YWHAE: variants seen among roughly 807,000 people sequenced by gnomAD.
YWHAE encodes the protein tyrosine 3-monooxygenase/tryptophan 5-monooxygenase activation protein epsilon.
A neutral mutation model predicts 30.1 loss-of-function variants in YWHAE; 4 were observed. The observed-to-expected ratio is 0.13, with a 90% CI of 0.07 to 0.30. The LOEUF is 0.30. Ranked by LOEUF, YWHAE falls within the 10% of genes least tolerant of loss-of-function variation. The pLI, the probability that YWHAE is intolerant of heterozygous loss-of-function variation, is 1.00. For synonymous variants in YWHAE, 118 were observed against 111.8 expected (o/e 1.06, Z -0.35); for missense variants, 121 against 315.9 (o/e 0.38, Z 4.68).
chr17:1,356,198 ACACACACACACACACAC>A (rs1233353548), intron 4 of YWHAE, among the ~76,000 whole-genome samples: 31 of 145,472 alleles, frequency 2.1e-4, no homozygotes, highest in African/African-American at 7.2e-4. Flanking sequence ...ACACACACAC[ACACACACACACACACAC>A]AAAATTAGCC....
chr17:1,386,184 C>A (rs2073297881), intron 1 of YWHAE, among the ~76,000 whole-genome samples: 1 of 152,172 alleles, frequency 6.6e-6, no homozygotes, highest in Non-Finnish European at 1.5e-5. Context: ...GGTTTCATCA[C>A]AATGAAACAC....
intron 1 of YWHAE, among the ~76,000 whole-genome samples, chr17:1,384,912 T>C (rs2073277187): frequency 6.6e-6 from 1 of 152,066 alleles, no homozygotes; most frequent in South Asian, 2.1e-4. Flanking sequence ...GGTTTCTCCA[T>C]GTTGGTCAGG....
chr17:1,350,056 G>A (rs558082740), intron 5 of YWHAE, among the ~76,000 whole-genome samples: 18 of 150,202 alleles, frequency 1.2e-4, no homozygotes, highest in African/African-American at 3.9e-4. Flanking sequence ...AGGTTCAAGC[G>A]ATTCTCCTGC....
intron 4 of YWHAE, 130 bp from the exon 5 acceptor site, chr17:1,354,477 A>T: frequency 1.1e-6 from 1 of 914,934 alleles, no homozygotes; most frequent in Non-Finnish European, 1.6e-6. Context: ...GCAAAGAAAA[A>T]GCAAATACAA....
In YWHAE at chr17:1,364,869, T is replaced by C. The variant is rs1567966035; in HGVS notation, c.254A>G (p.Tyr85Cys). The change falls in exon 2 of 6, where the codon TAT (tyrosine) becomes TGT (cysteine). Residue 85 changes from tyrosine to cysteine, a missense_variant. By Grantham distance (194) the Tyr-to-Cys change is radical (BLOSUM62 -2). Around this residue, in one of 2 missense-constraint regions of YWHAE, gnomAD observed 99 missense variants for 289.3 expected, o/e 0.34. Transcript: ENST00000264335. ...GCACAACAATCTCACCATTTGCCGA[T>C]ATTCCCGAATCATTTTTAGCTTGTC... The part of the protein sequence containing the change: ...GEDKLKMIRE[Y>C]RQMVETELKL... The C allele has an allele frequency of 6.2e-7, 1 of 1,614,018 alleles. No individual in the cohort carries two copies. The highest frequency in any genetic ancestry group is 8.5e-7 in the Non-Finnish European group (1 of 1,179,886).
chr17:1,387,493 A>C (rs1469502150), intron 1 of YWHAE, among the ~76,000 whole-genome samples: 2 of 152,246 alleles, frequency 1.3e-5, no homozygotes, highest in Non-Finnish European at 2.9e-5. Context: ...TGGAATACTA[A>C]GGAAGAAAAT....
At chr17:1,351,300 C>T (rs888677020) in intron 5 of YWHAE, among the ~76,000 whole-genome samples, 3 of 151,838 alleles carry the variant, frequency 2.0e-5, no homozygotes, top group Admixed American at 1.3e-4. Context: ...ATCACTTGAA[C>T]CCAGGAGATG....
At chr17:1,365,646 G>T (rs181436810) in intron 1 of YWHAE, among the ~76,000 whole-genome samples, 2 of 152,208 alleles carry the variant, frequency 1.3e-5, no homozygotes, top group Admixed American at 6.5e-5. Flanking sequence ...AAAAGCCTTG[G>T]CATCTACCGC....
intron 1 of YWHAE, among the ~76,000 whole-genome samples, chr17:1,381,516 T>C (rs751608854): frequency 6.6e-6 from 1 of 151,340 alleles, no homozygotes; most frequent in African/African-American, 2.4e-5. Context: ...TCCAAATAAA[T>C]CAATAAACTC....
intron 1 of YWHAE, among the ~76,000 whole-genome samples, chr17:1,379,920 G>A (rs553322139): frequency 2.6e-5 from 4 of 152,148 alleles, no homozygotes; most frequent in Admixed American, 6.5e-5. Flanking sequence ...AATAATGGAA[G>A]TACTCAGAAG....
chr17:1,363,057 G>A (rs1178282752), intron 2 of YWHAE, among the ~76,000 whole-genome samples: 3 of 152,032 alleles, frequency 2.0e-5, no homozygotes, highest in Admixed American at 2.0e-4. Context: ...ATCACACCAA[G>A]GTATGGTGCA....
chr17:1,394,444 A>AAAAAAAAAAAAAAAAAAC (rs2073434527), intron 1 of YWHAE, among the ~76,000 whole-genome samples: 3 of 139,716 alleles, frequency 2.1e-5, no homozygotes, highest in African/African-American at 8.7e-5. Context: ...CACAAAAAAA[A>AAAAAAAAAAAAAAAAAAC]AAAAAAAAAA....
At chr17:1,393,764 T>G (rs1377013357) in intron 1 of YWHAE, among the ~76,000 whole-genome samples, 1 of 152,122 alleles carries the variant, frequency 6.6e-6, no homozygotes, top group Non-Finnish European at 1.5e-5. Context: ...GTTTTTTTCT[T>G]TTGCTTAAAG....
intron 3 of YWHAE, chr17:1,361,634 T>C (rs1161284298): frequency 1.6e-5 from 7 of 425,568 alleles, no homozygotes; most frequent in African/African-American, 8.3e-5. Context: ...TAAAATAAAA[T>C]GTCTATATAT....
At chr17:1,376,573 A>G (rs1214251087) in intron 1 of YWHAE, among the ~76,000 whole-genome samples, 3 of 152,094 alleles carry the variant, frequency 2.0e-5, no homozygotes, top group African/African-American at 7.2e-5. Flanking sequence ...GGCTCAAGCA[A>G]TCCTCCCACC....
rs1415935962 is a variant in YWHAE, at chr17:1,351,837, G to C, written c.715+2374C>G. ...GCCTCGCTCTGCCACCCAGGCTAGA[G>C]TGCAGTGGGGCGTGATCTCAGCTCA... is the stretch of plus-strand genomic sequence containing the variant. On this transcript the variant is annotated intron_variant, in intron 5 of 5. Transcript: ENST00000264335. Among the ~76,000 whole-genome samples, 3 of 152,078 alleles carry C rather than the reference G, an allele frequency of 2.0e-5. 1 individual carries two copies. The highest frequency in any genetic ancestry group is 2.0e-4 in the Admixed American group (3 of 15,236).
intron 1 of YWHAE, chr17:1,369,666 T>C (rs1454539578): frequency 1.3e-5 from 2 of 152,154 alleles, no homozygotes; most frequent in Non-Finnish European, 2.9e-5. Context: ...ATTTTCCGCC[T>C]CTACACACTT....
At chr17:1,387,557 A>C (rs955830265) in intron 1 of YWHAE, among the ~76,000 whole-genome samples, 1 of 152,068 alleles carries the variant, frequency 6.6e-6, no homozygotes, top group African/African-American at 2.4e-5. Flanking sequence ...TTAACTTTAC[A>C]TTCAGATTTT....
chr17:1,379,570 T>C (rs2073174257), intron 1 of YWHAE, among the ~76,000 whole-genome samples: 3 of 152,144 alleles, frequency 2.0e-5, no homozygotes, highest in African/African-American at 7.2e-5. Flanking sequence ...GTAAATAACA[T>C]GGAAAGAATC....
Sources: allele counts gnomAD v4.1 joint callset (sites outside exome capture counted in the v4.1 genomes callset), GRCh38; gene constraint gnomAD v4.1.1; regional missense constraint gnomAD v4.1.1; transcripts MANE v1.5; gene names NCBI Gene and HGNC (gene_info 2026-07-23, HGNC 2026-07-21).